The following CDC42SE2 variants were observed in gnomAD, a reference collection of about 807,000 sequenced individuals.
CDC42SE2 encodes CDC42 small effector 2.
CDC42SE2 carries 3 observed loss-of-function variants against 11.5 expected under a neutral mutation model. The observed-to-expected ratio is 0.26, with a 90% CI of 0.12 to 0.67. The LOEUF (loss-of-function observed/expected upper bound fraction) is 0.67. Ranked by LOEUF, CDC42SE2 falls within the 30% of genes least tolerant of loss-of-function variation. The pLI is 0.80. For missense variants in CDC42SE2, 82 were observed against 106.8 expected (o/e 0.77, Z 1.02); for synonymous variants, 33 against 34.8 (o/e 0.95, Z 0.18).
the CDC42SE2 span, among the ~76,000 whole-genome samples, chr5:131,212,683 A>G: frequency 6.6e-6 from 1 of 152,316 alleles, no homozygotes; most frequent in Non-Finnish European, 1.5e-5. Context: ...TTTGGCTTTC[A>G]GATCTCTTTT....
At chr5:131,385,484 C>T in intron 3 of CDC42SE2, 59 bp from the exon 4 acceptor site, 1 of 1,210,882 alleles carries the variant, frequency 8.3e-7, no homozygotes, top group Non-Finnish European at 1.2e-6. Context: ...TATAAAAATC[C>T]ATCAGAATAA....
intron 1 of CDC42SE2, among the ~76,000 whole-genome samples, chr5:131,264,382 G>T (rs1756807969): frequency 6.6e-6 from 1 of 152,152 alleles, no homozygotes; most frequent in Non-Finnish European, 1.5e-5. Flanking sequence ...CCTGCCTTTG[G>T]TTTTTCTTCT....
upstream of CDC42SE2, chr5:131,261,473 T>A (rs1756725751): frequency 6.6e-6 from 1 of 152,214 alleles, no homozygotes. Flanking sequence ...TAAATTGTTT[T>A]AAATCATAAA....
At chr5:131,381,357 C>T (rs1299764652) in intron 3 of CDC42SE2, among the ~76,000 whole-genome samples, 1 of 151,126 alleles carries the variant, frequency 6.6e-6, no homozygotes, top group Non-Finnish European at 1.5e-5. Flanking sequence ...AAGTCTCGCT[C>T]TTGTCCCCCA....
intron 1 of CDC42SE2, among the ~76,000 whole-genome samples, chr5:131,291,428 G>A (rs551825154): frequency 3.9e-5 from 6 of 151,980 alleles, no homozygotes; most frequent in East Asian, 1.9e-4. Context: ...CTATCCACTC[G>A]GAATTGAAAA....
chr5:131,275,329 C>T (rs1051107575), intron 1 of CDC42SE2, among the ~76,000 whole-genome samples: 2 of 150,074 alleles, frequency 1.3e-5, no homozygotes, highest in Non-Finnish European at 3.0e-5. Context: ...CTGAGTCTCG[C>T]TCTTTAGCCC....
At chr5:131,278,568 C>T (rs1245483320) in intron 1 of CDC42SE2, among the ~76,000 whole-genome samples, 1 of 151,114 alleles carries the variant, frequency 6.6e-6, no homozygotes, top group Admixed American at 6.6e-5. Context: ...GCATGGCAGA[C>T]TGCAGAAGCT....
At chr5:131,283,118 G>C (rs1354504256) in intron 1 of CDC42SE2, among the ~76,000 whole-genome samples, 1 of 151,658 alleles carries the variant, frequency 6.6e-6, no homozygotes, top group Non-Finnish European at 1.5e-5. Context: ...GTAGAGATGG[G>C]GTTTCTCCAT....
At chr5:131,342,091 C>A (rs930474178) in intron 2 of CDC42SE2, among the ~76,000 whole-genome samples, 1 of 151,570 alleles carries the variant, frequency 6.6e-6, no homozygotes, top group Non-Finnish European at 1.5e-5. Context: ...ACCATCCTGG[C>A]CAACATGGTG....
rs900471016 is a variant in CDC42SE2, at chr5:131,393,594, T to G, written c.*2503T>G. ...TTCTGCTCAGCCAGGCACGGTCAGT[T>G]TCTTGGCCAGGGACATTGCTATGTG... On this transcript the variant is annotated 3_prime_UTR_variant, in exon 5 of 5. Transcript: ENST00000505065. The G allele has an allele frequency of 2.0e-5, 3 of 152,408 alleles. No individual in the cohort carries two copies. Among genetic ancestry groups the G allele is most frequent in the Admixed American group, 1.3e-4 (2 of 15,284 alleles). The allele number at this position is 152,408 out of a possible 1,614,324, so 9.4% of individuals were successfully genotyped here. A position where few individuals can be genotyped will look rare whatever the true frequency, so the allele number is the denominator to read the frequency against.
intron 2 of CDC42SE2, among the ~76,000 whole-genome samples, chr5:131,319,188 TGTA>T (rs1561583186): frequency 4.6e-5 from 7 of 151,862 alleles, no homozygotes; most frequent in Non-Finnish European, 8.8e-5. Context: ...GAGTTGGGGG[TGTA>T]AGGTAGGAGA....
chr5:131,275,267 T>G (rs1270062303), intron 1 of CDC42SE2, among the ~76,000 whole-genome samples: 1 of 152,110 alleles, frequency 6.6e-6, no homozygotes, highest in Non-Finnish European at 1.5e-5. Flanking sequence ...TTACATGGAC[T>G]TAGACCCTTC....
rs567634547 is a variant in CDC42SE2 at position 131,272,021 on chromosome 5, C to T, written c.-455+7855C>T. Among the ~76,000 whole-genome samples, 7 of 148,956 alleles carry T rather than the reference C, an allele frequency of 4.7e-5. No homozygotes were observed. In the East Asian group the frequency reaches 1.2e-3, roughly 25 times the overall value. ...TTTTTGTTTTGTTTTGTTTTGTTTT[C>T]GCTTTTTGAGATGGAGTCTCACTGT... On this transcript the variant is annotated intron_variant, in intron 1 of 4. Coordinates refer to ENST00000505065, the MANE Select transcript of CDC42SE2 (RefSeq NM_001375635.1).
At chr5:131,355,160 A>T (rs904711042) in intron 2 of CDC42SE2, among the ~76,000 whole-genome samples, 2 of 152,186 alleles carry the variant, frequency 1.3e-5, no homozygotes, top group Non-Finnish European at 2.9e-5. Flanking sequence ...GGGATATTCA[A>T]CCTGTATGCT....
At chr5:131,329,656 A>C (rs1224482818) in intron 2 of CDC42SE2, among the ~76,000 whole-genome samples, 1 of 151,908 alleles carries the variant, frequency 6.6e-6, no homozygotes, top group Non-Finnish European at 1.5e-5. Flanking sequence ...AGGTGGGCGG[A>C]TCCCCTGAGG....
chr5:131,310,879 G>A (rs971370537), intron 1 of CDC42SE2, among the ~76,000 whole-genome samples: 3 of 151,802 alleles, frequency 2.0e-5, no homozygotes, highest in African/African-American at 7.3e-5. Context: ...CACACTGATG[G>A]GTCTTGACTC....
At chr5:131,312,214 CAG>C (rs1205718087) in intron 1 of CDC42SE2, among the ~76,000 whole-genome samples, 1 of 151,280 alleles carries the variant, frequency 6.6e-6, no homozygotes, top group African/African-American at 2.4e-5. Context: ...TGTGAGGTGT[CAG>C]TGTGCCCCTG....
At chr5:131,350,004 A>G (rs1758964167) in intron 2 of CDC42SE2, among the ~76,000 whole-genome samples, 1 of 152,118 alleles carries the variant, frequency 6.6e-6, no homozygotes, top group Admixed American at 6.5e-5. Context: ...AGGAGAACAT[A>G]AATTATTTGT....
chr5:131,335,253 C>T (rs1758526880), intron 2 of CDC42SE2, among the ~76,000 whole-genome samples: 1 of 152,160 alleles, frequency 6.6e-6, no homozygotes, highest in Non-Finnish European at 1.5e-5. Context: ...ACAGGTTGTT[C>T]AGTTTCCATG....
Sources: gnomAD v4.1 joint callset for allele counts (sites outside exome capture counted in the v4.1 genomes callset) on GRCh38, gnomAD v4.1.1 for gene constraint, MANE v1.5 for transcripts, NCBI Gene and HGNC (gene_info 2026-07-23, HGNC 2026-07-21) for gene names.